Variants in CR1 observed in about 807,000 individuals in gnomAD.
CR1 encodes the protein complement C3b/C4b receptor 1 (Knops blood group).
CR1 carries 116 observed loss-of-function variants against 187.3 expected under a neutral mutation model. The observed-to-expected ratio is 0.62, with a 90% CI of 0.53 to 0.72. The LOEUF (loss-of-function observed/expected upper bound fraction) is 0.72, where lower values mean the gene tolerates loss of function less well. Among genes scored for constraint, CR1 ranks in the 30% least tolerant of loss-of-function variants. The pLI is 0.00. For synonymous variants in CR1, 576 were observed against 747.1 expected (o/e 0.77, Z 3.73); for missense variants, 1,731 against 2,110.7 (o/e 0.82, Z 3.52).
intron 35 of CR1, among the ~76,000 whole-genome samples, chr1:207,594,938 T>C (rs1044423528): frequency 5.9e-5 from 9 of 152,158 alleles, no homozygotes; most frequent in Non-Finnish European, 1.5e-5. Context: ...GAAATATTCA[T>C]CTGCACAACA....
intron 41 of CR1, 85 bp from the exon 42 acceptor site, chr1:207,617,986 A>C: frequency 1.7e-5 from 24 of 1,424,028 alleles, no homozygotes; most frequent in Non-Finnish European, 2.3e-5. Flanking sequence ...TCTAATAGCC[A>C]GAGATATTGG....
intron 39 of CR1, among the ~76,000 whole-genome samples, chr1:207,612,719 G>C (rs1661970035): frequency 6.6e-6 from 1 of 152,240 alleles, no homozygotes; most frequent in Non-Finnish European, 1.5e-5. Context: ...TCAGCCCCTG[G>C]TGGGAGGGGA....
chr1:207,581,306 A>ATG (rs1481969417), intron 31 of CR1, among the ~76,000 whole-genome samples: 9 of 150,134 alleles, frequency 6.0e-5, no homozygotes, highest in African/African-American at 1.5e-4. Flanking sequence ...ACATATGGAC[A>ATG]CGTATATGTA....
intron 37 of CR1, among the ~76,000 whole-genome samples, chr1:207,611,100 C>T (rs934471845): frequency 7.2e-5 from 11 of 151,800 alleles, no homozygotes; most frequent in South Asian, 2.1e-4. Context: ...CCTATCCCCA[C>T]GATTTTGTTC....
At chr1:207,621,947 T>C in intron 43 of CR1, 26 bp from the exon 44 acceptor site, 3 of 1,584,148 alleles carry the variant, frequency 1.9e-6, no homozygotes, top group Non-Finnish European at 2.6e-6. Context: ...CAGAGTGATG[T>C]TTTGTGACTT....
intron 42 of CR1, among the ~76,000 whole-genome samples, chr1:207,619,068 A>C (rs1226652291): frequency 1.3e-5 from 2 of 149,108 alleles, no homozygotes; most frequent in Admixed American, 6.7e-5. Context: ...AAAGAAAAGA[A>C]AGTAAATTAA....
intron 40 of CR1, among the ~76,000 whole-genome samples, chr1:207,614,748 A>C (rs1302239608): frequency 6.6e-6 from 1 of 152,166 alleles, no homozygotes; most frequent in African/African-American, 2.4e-5. Context: ...GATGACATAA[A>C]GGTGCAGCAC....
chr1:207,623,627 C>T (rs970640115), intron 45 of CR1, among the ~76,000 whole-genome samples: 8 of 89,358 alleles, frequency 9.0e-5, no homozygotes, highest in Non-Finnish European at 1.0e-4. Context: ...CACACACACA[C>T]ACACACACAC....
chr1:207,638,407 C>A (rs1464132702), intron 46 of CR1, among the ~76,000 whole-genome samples: 1 of 151,976 alleles, frequency 6.6e-6, no homozygotes, highest in Non-Finnish European at 1.5e-5. Flanking sequence ...TGAGGCTGTG[C>A]CTACGCTGAC....
chr1:207,616,818 C>G lies in CR1; in HGVS notation c.6889+16C>G. 6.2e-7 allele frequency: 1 copy of G among 1,613,116 alleles called. No homozygotes were observed. ...GTTCCTGCTGGTTAGTACCTGCTTC[C>G]ACATATCCTAAATGGGTTCAGAATA... is the stretch of plus-strand genomic sequence containing the variant. On this transcript the variant is annotated intron_variant, in intron 41 of 46. Coordinates refer to ENST00000367049, the MANE Select transcript of CR1 (RefSeq NM_000651.6).
In CR1 at chr1:207,639,584, C is replaced by G; in HGVS notation, c.*175C>G. 1.7e-6 allele frequency: 1 copy of G among 604,800 alleles called. No homozygotes were observed. The highest frequency in any genetic ancestry group is 2.9e-6 in the Non-Finnish European group (1 of 344,024). 37.5% of individuals were successfully genotyped at this position (604,800 alleles called of 1,614,324 possible). Reference sequence around the variant, plus strand: ...TCCCTGGTACCTAGCAAAGCTCCTGCCTCTTTGTGTGCGTCACTGTGAAAC... The same window carrying G: ...TCCCTGGTACCTAGCAAAGCTCCTGGCTCTTTGTGTGCGTCACTGTGAAAC... On this transcript the variant is annotated 3_prime_UTR_variant, in exon 47 of 47. Coordinates refer to ENST00000367049, the MANE Select transcript of CR1 (RefSeq NM_000651.6).
intron 35 of CR1, among the ~76,000 whole-genome samples, chr1:207,591,607 G>T (rs1346671783): frequency 6.6e-6 from 1 of 152,088 alleles, no homozygotes; most frequent in Non-Finnish European, 1.5e-5. Flanking sequence ...GATCAGAGCA[G>T]AACTGAAGGA....
chr1:207,572,513 A>G (rs1228878017), intron 27 of CR1, among the ~76,000 whole-genome samples: 4 of 152,010 alleles, frequency 2.6e-5, no homozygotes, highest in African/African-American at 9.7e-5. Flanking sequence ...TTGTTTAGAC[A>G]TAATGCTATT....
chr1:207,584,620 G>T (rs776698479), intron 32 of CR1, 29 bp from the exon 33 acceptor site: 13 of 1,604,962 alleles, frequency 8.1e-6, no homozygotes, highest in African/African-American at 6.7e-5. Flanking sequence ...AATTTTTTAT[G>T]GAATTGAGAG....
At chr1:207,513,766 T>TCCCTCCCTC (rs1659699492) in intron 4 of CR1, among the ~76,000 whole-genome samples, 2 of 47,096 alleles carry the variant, frequency 4.2e-5, no homozygotes, top group Admixed American at 2.7e-4. Flanking sequence ...CTCCCTCCCT[T>TCCCTCCCTC]CCTTCCTTCC....
intron 29 of CR1, among the ~76,000 whole-genome samples, chr1:207,579,624 C>G (rs1660875602): frequency 6.6e-6 from 1 of 152,180 alleles, no homozygotes; most frequent in Non-Finnish European, 1.5e-5. Flanking sequence ...AATAACTCGC[C>G]CCTCAATCTG....
chr1:207,593,210 C>T (rs1041603574), intron 35 of CR1, among the ~76,000 whole-genome samples: 4 of 151,730 alleles, frequency 2.6e-5, no homozygotes, highest in African/African-American at 9.7e-5. Flanking sequence ...TCAAACTATA[C>T]TATAAGGCTA....
intron 4 of CR1, among the ~76,000 whole-genome samples, chr1:207,519,008 A>G (rs184040840): frequency 1.3e-5 from 2 of 152,356 alleles, no homozygotes; most frequent in African/African-American, 4.8e-5. Flanking sequence ...ATGTTATTAA[A>G]TGCATGAAAT....
chr1:207,568,369 C>T (rs1450060599), intron 25 of CR1, among the ~76,000 whole-genome samples: 2 of 104,408 alleles, frequency 1.9e-5, no homozygotes, highest in African/African-American at 8.9e-5. Context: ...GTGGCTCCTT[C>T]TGCCAGGAAA....
Sources: allele counts gnomAD v4.1 joint callset (sites outside exome capture counted in the v4.1 genomes callset), GRCh38; gene constraint gnomAD v4.1.1; transcripts MANE v1.5; gene names NCBI Gene and HGNC (gene_info 2026-07-23, HGNC 2026-07-21).